PTPRN2: variants seen among roughly 807,000 people sequenced by gnomAD.
PTPRN2 encodes the protein receptor-type tyrosine-protein phosphatase N2.
A neutral mutation model predicts 118.8 loss-of-function variants in PTPRN2; 74 were observed. The ratio of observed to expected loss-of-function variants is 0.62; its 90% CI spans 0.52 to 0.76. PTPRN2 has a LOEUF of 0.76. PTPRN2 is among the 30% of genes least tolerant of loss of function. The pLI, the probability that PTPRN2 is intolerant of heterozygous loss-of-function variation, is 0.00. For synonymous variants in PTPRN2, 641 were observed against 608.0 expected, an observed-to-expected ratio of 1.05 and a Z score of -0.80; for missense variants, 1,481 against 1,394.4, an observed-to-expected ratio of 1.06 and a Z score of -0.99.
At chr7:158,166,838 C>A (rs1823053971) in intron 6 of PTPRN2, 93 bp downstream of exon 6, 2 of 1,365,918 alleles carry the variant, frequency 1.5e-6, no homozygotes, top group East Asian at 5.3e-5. Context: ...TGTGCAGACC[C>A]CACGTGTGGG....
At chr7:158,333,356 C>G (rs1454618131) in intron 2 of PTPRN2, among the ~76,000 whole-genome samples, 1 of 140,360 alleles carries the variant, frequency 7.1e-6, no homozygotes, top group African/African-American at 2.7e-5. Context: ...CACCTGCAGA[C>G]GTCACTCACA....
At chr7:158,042,692 C>G (rs1808564410) in intron 11 of PTPRN2, among the ~76,000 whole-genome samples, 1 of 152,162 alleles carries the variant, frequency 6.6e-6, no homozygotes, top group African/African-American at 2.4e-5. Flanking sequence ...CTGTCCTGAG[C>G]CACAGCCGGC....
At chr7:158,288,187 G>C (rs918249429) in intron 3 of PTPRN2, among the ~76,000 whole-genome samples, 2 of 152,058 alleles carry the variant, frequency 1.3e-5, no homozygotes, top group African/African-American at 4.8e-5. Context: ...GTCCTTAAAA[G>C]TGAAGGGAAT....
intron 1 of PTPRN2, among the ~76,000 whole-genome samples, chr7:158,511,582 G>A (rs1466708963): frequency 6.6e-6 from 1 of 152,200 alleles, no homozygotes; most frequent in East Asian, 1.9e-4. Context: ...TGCCTTGCTT[G>A]GAAAATGGAA....
rs930934389 is a variant in PTPRN2 at position 157,656,452 on chromosome 7, G to A, written c.2101C>T (p.Pro701Ser). 3.2e-6 allele frequency: 5 copies of A among 1,553,558 alleles called. No homozygotes were observed. In the African/African-American group the frequency reaches 5.5e-5, roughly 17 times the overall value. ...SSVSSQFSDG[P>S]IPSPSARSSA... ...CTGCGTGCGGAGGGGCTGGGGATCG[G>A]CCCGTCGCTGAACTGGGATGAGACG... The change falls in exon 14 of 23, where the codon CCG becomes TCG. Residue 701 changes from proline to serine, a missense_variant. Physicochemically the swap from Pro to Ser is moderately conservative, Grantham distance 74. Coordinates refer to ENST00000389418, the MANE Select transcript of PTPRN2 (RefSeq NM_002847.5).
intron 11 of PTPRN2, among the ~76,000 whole-genome samples, chr7:158,067,357 G>A (rs961093741): frequency 3.9e-5 from 6 of 152,194 alleles, no homozygotes; most frequent in African/African-American, 1.4e-4. Flanking sequence ...GCTCCCAGCT[G>A]GCAGGGGGCA....
At chr7:157,814,679 G>A (rs1484900979) in intron 12 of PTPRN2, among the ~76,000 whole-genome samples, 4 of 152,234 alleles carry the variant, frequency 2.6e-5, no homozygotes, top group African/African-American at 7.2e-5. Flanking sequence ...GCAAGGAGGC[G>A]AGAAGCGGGG....
At chr7:158,550,137 T>G (rs1563424149) in intron 1 of PTPRN2, among the ~76,000 whole-genome samples, 1 of 152,238 alleles carries the variant, frequency 6.6e-6, no homozygotes, top group Admixed American at 6.5e-5. Context: ...CTCTGAGGGC[T>G]GCGCACCAGG....
At chr7:158,467,196 ATC>A (rs1819458932) in intron 2 of PTPRN2, among the ~76,000 whole-genome samples, 1 of 152,156 alleles carries the variant, frequency 6.6e-6, no homozygotes, top group Non-Finnish European at 1.5e-5. Flanking sequence ...CCTGTCAGCC[ATC>A]TGTATGTCCT....
chr7:157,765,031 T>TCCAC (rs201873385), intron 12 of PTPRN2, among the ~76,000 whole-genome samples: 1 of 148,810 alleles, frequency 6.7e-6, no homozygotes, highest in African/African-American at 2.5e-5. Flanking sequence ...CATCCATCCA[T>TCCAC]CATGCACTCA....
At chr7:158,577,502 C>T (rs1828398829) in intron 1 of PTPRN2, among the ~76,000 whole-genome samples, 2 of 138,660 alleles carry the variant, frequency 1.4e-5, no homozygotes, top group Admixed American at 1.5e-4. Flanking sequence ...GAGGGCTCCC[C>T]ACCCTGCCTG....
intron 14 of PTPRN2, among the ~76,000 whole-genome samples, chr7:157,644,872 T>C (rs1804953058): frequency 1.3e-5 from 2 of 151,204 alleles, no homozygotes; most frequent in African/African-American, 4.9e-5. Context: ...TGAGCTACAA[T>C]CCTATGCACG....
intron 2 of PTPRN2, among the ~76,000 whole-genome samples, chr7:158,326,336 A>G (rs1220165384): frequency 6.6e-6 from 1 of 152,198 alleles, no homozygotes. Context: ...ATCGCTCAGG[A>G]GCCCTGCTCT....
At position 158,336,628 on chromosome 7, in the gene PTPRN2, G is replaced by T. The variant is rs1457221861; in HGVS notation, c.164-19696C>A. Among the ~76,000 whole-genome samples, 156 of 134,714 alleles carry T rather than the reference G, an allele frequency of 1.2e-3. 11 individuals carry two copies. Among genetic ancestry groups the T allele is most frequent in the Non-Finnish European group, 2.1e-3 (135 of 64,854 alleles). The allele number at this position is 134,714 out of a possible 152,430, so 88.4% of individuals were successfully genotyped here. On this transcript the variant is annotated intron_variant, in intron 2 of 22. Transcript: ENST00000389418. Reference sequence around the variant, plus strand: ...ACTCTCACCATAATTGGTGACACATGCAGACGTCACTCACACCCACACGTC... The same window carrying T: ...ACTCTCACCATAATTGGTGACACATTCAGACGTCACTCACACCCACACGTC...
chr7:158,365,848 ACC>A (rs1371702463), intron 2 of PTPRN2, among the ~76,000 whole-genome samples: 1,820 of 136,514 alleles, frequency 0.013, 226 homozygotes, highest in African/African-American at 0.046. Context: ...ACACACACAC[ACC>A]CACACACACA....
intron 2 of PTPRN2, among the ~76,000 whole-genome samples, chr7:158,452,630 G>A (rs574402597): frequency 9.8e-5 from 15 of 152,322 alleles, no homozygotes; most frequent in South Asian, 4.1e-4. Context: ...GGATTCCAGC[G>A]GACACCTCTG....
intron 11 of PTPRN2, among the ~76,000 whole-genome samples, chr7:157,908,212 C>T (rs1040308511): frequency 6.6e-6 from 1 of 152,198 alleles, no homozygotes; most frequent in African/African-American, 2.4e-5. Context: ...TGGTGCCGGG[C>T]CCGGCCTGGG....
At chr7:157,701,048 G>A (rs1798043226) in intron 12 of PTPRN2, among the ~76,000 whole-genome samples, 1 of 152,278 alleles carries the variant, frequency 6.6e-6, no homozygotes. Flanking sequence ...CAGCATGACA[G>A]CAGCGGCTCC....
chr7:158,407,987 C>G (rs1047357480), intron 2 of PTPRN2, among the ~76,000 whole-genome samples: 3 of 152,236 alleles, frequency 2.0e-5, no homozygotes, highest in Non-Finnish European at 2.9e-5. Context: ...TCCAATGACT[C>G]AAGTCTATGG....
Sources: gnomAD v4.1 joint callset for allele counts (sites outside exome capture counted in the v4.1 genomes callset) on GRCh38, gnomAD v4.1.1 for gene constraint, MANE v1.5 for transcripts, NCBI Gene and HGNC (gene_info 2026-07-23, HGNC 2026-07-21) for gene names.